HOOK2: variants seen among roughly 807,000 people sequenced by gnomAD.
The protein encoded by HOOK2 is protein Hook homolog 2.
In HOOK2, 108 loss-of-function variants were observed where a neutral mutation model predicts 111.9. That is an observed-to-expected ratio of 0.96 (90% CI 0.83 to 1.13). HOOK2 has a LOEUF of 1.13. Ranked by LOEUF, HOOK2 falls within the 50% of genes most tolerant of loss-of-function variation. HOOK2 has a pLI of 0.00. For synonymous variants in HOOK2, 405 were observed against 394.3 expected (o/e 1.03, Z -0.32); for missense variants, 978 against 951.3 (o/e 1.03, Z -0.37).
At position 12,786,867 on chromosome 19, in the gene HOOK2, C is replaced by CCAATT. The variant is rs986208688; in HGVS notation, n.42-12647_42-12643dup. 2.0e-5 allele frequency among the ~76,000 whole-genome samples: 3 copies of CCAATT among 152,184 alleles called. No homozygotes were observed. Among genetic ancestry groups the CCAATT allele is most frequent in the African/African-American group, 7.2e-5 (3 of 41,444 alleles). On this transcript the variant is annotated intron_variant and non_coding_transcript_variant, in intron 3 of 3. Transcript: ENST00000589765. The surrounding 1 kb of genome is among the most constrained non-coding windows in gnomAD (Gnocchi z 4.3). ...GTCTGTGCCCCACCACATTTCTCCCCCAATTAAAGGAGACCCTCAGTGGGG... is the reference window on the plus strand; with the variant it reads ...GTCTGTGCCCCACCACATTTCTCCCCCAATTCAATTAAAGGAGACCCTCAGTGGGG...
intron 1 of HOOK2, chr19:12,775,185 C>A: frequency 1.0e-6 from 1 of 985,324 alleles, no homozygotes. Flanking sequence ...GTCCTCGCCC[C>A]ACGTGAACCA....
intron 3 of HOOK2, 139 bp from the exon 4 acceptor site, chr19:12,773,183 G>GACCTGTC: frequency 1.4e-6 from 1 of 721,528 alleles, no homozygotes; most frequent in South Asian, 1.7e-5. Flanking sequence ...CTCTAGGGGT[G>GACCTGTC]ACCTGTCTGG....
In HOOK2 at chr19:12,765,946, T is replaced by A. The variant is rs767288771; in HGVS notation, c.1580A>T (p.Gln527Leu). 6.2e-7 allele frequency: 1 copy of A among 1,614,112 alleles called. No individual in the cohort carries two copies. Among genetic ancestry groups the A allele is most frequent in the Non-Finnish European group, 8.5e-7 (1 of 1,179,962 alleles). ...VEDLQKALQE[Q>L]GGKTEDAISI... ...ACTCACATCTTCAGTCTTGCCCCCC[T>A]GCTCCTGCAGGGCTTTCTGCAGGTC... Residue 527 changes from glutamine to leucine, a missense_variant, in exon 16 of 23, where the codon CAG (glutamine) becomes CTG (leucine). Physicochemically the swap from Gln to Leu is moderately radical, Grantham distance 113. Around this residue, in one of 5 missense-constraint regions of HOOK2, gnomAD observed 277 missense variants for 265.8 expected, o/e 1.04. Transcript: ENST00000397668.
rs886737055 is a variant in HOOK2, at chr19:12,770,807, G to C, written c.902+125C>G. On this transcript the variant is annotated intron_variant, in intron 10 of 22. Coordinates refer to ENST00000397668, the MANE Select transcript of HOOK2 (RefSeq NM_013312.3). ...GCTCAGGGTGGCACTGTGGAGTCCA[G>C]GGGGCATATTGGGGGTTCACTGGGC... 398 of 1,197,724 alleles carry C rather than the reference G, an allele frequency of 3.3e-4. 1 individual carries two copies. The highest frequency in any genetic ancestry group is 5.7e-4 in the Admixed American group (25 of 43,654). The allele number at this position is 1,197,724 out of a possible 1,614,324, so 74.2% of individuals were successfully genotyped here.
rs575292013 is a variant in HOOK2, at chr19:12,786,201, G to A, written n.42-11976C>T. On this transcript the variant is annotated intron_variant and non_coding_transcript_variant, in intron 3 of 3. Coordinates refer to the HOOK2 transcript ENST00000589765. The surrounding 1 kb of genome is among the most constrained non-coding windows in gnomAD (Gnocchi z 4.3). ...GAGTTCCTGGGGGAGGGCTCCTGCC[G>A]GGCCTCAGATCCACACCCAGGGGCA... Among the ~76,000 whole-genome samples, 26 of 151,776 alleles carry A rather than the reference G, an allele frequency of 1.7e-4. No homozygotes were observed. In the South Asian group the frequency reaches 2.3e-3, roughly 13 times the overall value.
chr19:12,771,460 G>A lies in HOOK2; in HGVS notation c.537C>T (p.Phe179=), dbSNP rs769818557. 1.5e-5 allele frequency: 24 copies of A among 1,612,906 alleles called. 1 individual carries two copies. The East Asian group carries it at 4.9e-4, about 33-fold the overall frequency. The change falls in exon 8 of 23, where the codon TTC becomes TTT. Residue 179 remains phenylalanine, a synonymous_variant. Transcript: ENST00000397668. ...NFDSQSRRYY[F]LSEEAEEGDE... ...CCCCCTCCTCAGCCTCCTCACTTAG[G>A]AAATAGTACCTGCGGGACTGCAGAG...
At chr19:12,767,764 C>G in intron 13 of HOOK2, 52 bp downstream of exon 13, 2 of 1,534,224 alleles carry the variant, frequency 1.3e-6, no homozygotes, top group Non-Finnish European at 1.8e-6. Context: ...ACCTGTTCTA[C>G]CCAAACAGTA....
In HOOK2 at chr19:12,786,350, T is replaced by A. The variant is rs1474540769; in HGVS notation, n.42-12125A>T. ...TCCTAGTGAGGGCCCCACTGGTCAGTGGGGCCAGCAGGGAGGGGGGTCACC... is the reference window on the plus strand; with the variant it reads ...TCCTAGTGAGGGCCCCACTGGTCAGAGGGGCCAGCAGGGAGGGGGGTCACC... On this transcript the variant is annotated intron_variant and non_coding_transcript_variant, in intron 3 of 3. Coordinates refer to the HOOK2 transcript ENST00000589765. This position sits in a 1 kb window ranked among gnomAD's most constrained non-coding sequence, Gnocchi z 4.3. Among the ~76,000 whole-genome samples the A allele has an allele frequency of 1.3e-5, 2 of 151,638 alleles. No individual in the cohort carries two copies. Among genetic ancestry groups the A allele is most frequent in the African/African-American group, 2.4e-5 (1 of 41,244 alleles).
At chr19:12,763,633 C>A in intron 21 of HOOK2, 34 bp from the exon 22 acceptor site, 2 of 1,614,074 alleles carry the variant, frequency 1.2e-6, no homozygotes, top group Non-Finnish European at 1.7e-6. Context: ...GGCCTAGATA[C>A]GTTGGAGGCA....
In HOOK2 at chr19:12,790,372, G is replaced by A. The variant is rs1489261265; in HGVS notation, n.42-16147C>T. Among the ~76,000 whole-genome samples the A allele has an allele frequency of 6.6e-6, 1 of 152,202 alleles. No individual in the cohort carries two copies. Among genetic ancestry groups the A allele is most frequent in the Admixed American group, 6.5e-5 (1 of 15,286 alleles). ...CGCTCTTTCCCCAGCCTGTTTCTAA[G>A]GAAGGGAGTGGGGTTGGGCGACCGC... On this transcript the variant is annotated intron_variant and non_coding_transcript_variant, in intron 3 of 3. Transcript: ENST00000589765. This position sits in a 1 kb window ranked among gnomAD's most constrained non-coding sequence, Gnocchi z 7.2.
In HOOK2 at chr19:12,786,638, C is replaced by T. The variant is rs898020345; in HGVS notation, n.42-12413G>A. Among the ~76,000 whole-genome samples the T allele has an allele frequency of 5.9e-5, 9 of 152,164 alleles. No homozygotes were observed. The highest frequency in any genetic ancestry group is 2.0e-4 in the Admixed American group (3 of 15,286). Reference sequence around the variant, plus strand: ...CACCCTCCTCGTGGGGCCGGCCTGGCGCCAGTGGGGCGGCTTGAGGGGGTG... The same window carrying T: ...CACCCTCCTCGTGGGGCCGGCCTGGTGCCAGTGGGGCGGCTTGAGGGGGTG... On this transcript the variant is annotated intron_variant and non_coding_transcript_variant, in intron 3 of 3. Coordinates refer to the HOOK2 transcript ENST00000589765. This position sits in a 1 kb window ranked among gnomAD's most constrained non-coding sequence, Gnocchi z 4.3.
At chr19:12,783,072 CG>C (rs1299572168), upstream of HOOK2, among the ~76,000 whole-genome samples, 2 of 152,084 alleles carry the variant, frequency 1.3e-5, no homozygotes, top group Non-Finnish European at 2.9e-5. Flanking sequence ...CAGGCCAGCC[CG>C]GGGGTCCCCT....
intron 14 of HOOK2, among the ~76,000 whole-genome samples, chr19:12,767,140 T>C (rs950156741): frequency 1.3e-5 from 2 of 152,058 alleles, no homozygotes; most frequent in African/African-American, 2.4e-5. Context: ...GGCTAGGGCA[T>C]AGGATTTTTG....
intron 18 of HOOK2, chr19:12,765,477 G>A (rs1968119058): frequency 3.1e-6 from 2 of 644,318 alleles, no homozygotes; most frequent in Admixed American, 5.4e-5. Context: ...GCCAGGCGCG[G>A]TGGCTCATGC....
At chr19:12,770,349 T>A (rs1968281616) in intron 10 of HOOK2, among the ~76,000 whole-genome samples, 1 of 150,208 alleles carries the variant, frequency 6.7e-6, no homozygotes, top group Non-Finnish European at 1.5e-5. Flanking sequence ...GGGGGAGTGA[T>A]GGGGAGCCTA....
rs1005361064 is a variant in HOOK2 at position 12,763,194 on chromosome 19, C to T, written c.*88G>A. ...AGATCATGGCCTCAAAGCTCTCGAG[C>T]ACCTGGCTGAAGCCCAGTGCTGGGC... On this transcript the variant is annotated 3_prime_UTR_variant, in exon 23 of 23. Coordinates refer to ENST00000397668, the MANE Select transcript of HOOK2 (RefSeq NM_013312.3). 3 of 1,465,152 alleles carry T rather than the reference C, an allele frequency of 2.0e-6. No individual in the cohort carries two copies. Among genetic ancestry groups the T allele is most frequent in the Non-Finnish European group, 2.8e-6 (3 of 1,074,054 alleles). The allele number at this position is 1,465,152 out of a possible 1,614,324, so 90.8% of individuals were successfully genotyped here. A position where few individuals can be genotyped will look rare whatever the true frequency, so the allele number is the denominator to read the frequency against.
At chr19:12,783,635 GTC>G (rs1329932678) in intron 3 of HOOK2, among the ~76,000 whole-genome samples, 1 of 152,022 alleles carries the variant, frequency 6.6e-6, no homozygotes, top group Non-Finnish European at 1.5e-5. Flanking sequence ...TTCAAATCCT[GTC>G]TCTGCCCTCA....
At chr19:12,775,977 A>G (rs1968497153), upstream of HOOK2, among the ~76,000 whole-genome samples, 2 of 135,376 alleles carry the variant, frequency 1.5e-5, no homozygotes. Flanking sequence ...CCTGGGGTTC[A>G]CGCCATTCTC....
upstream of HOOK2, chr19:12,775,589 C>T (rs1258382485): frequency 2.8e-6 from 2 of 725,372 alleles, no homozygotes; most frequent in Non-Finnish European, 3.9e-6. Flanking sequence ...AGGCGCAGGC[C>T]CCGCCCCGCC....
Sources: allele counts gnomAD v4.1 joint callset (sites outside exome capture counted in the v4.1 genomes callset), GRCh38; gene constraint gnomAD v4.1.1; regional missense constraint gnomAD v4.1.1; non-coding constraint Gnocchi (gnomAD v3.1); transcripts MANE v1.5; gene names NCBI Gene and HGNC (gene_info 2026-07-23, HGNC 2026-07-21).